The following FASTKD2 variants were observed in gnomAD, a reference collection of about 807,000 sequenced individuals.
FASTKD2 encodes the protein FAST kinase domain-containing protein 2, mitochondrial.
A neutral mutation model predicts 63.6 loss-of-function variants in FASTKD2; 51 were observed. The observed-to-expected ratio is 0.80, with a 90% CI of 0.64 to 1.01. The LOEUF (loss-of-function observed/expected upper bound fraction) is 1.01, where lower values mean the gene tolerates loss of function less well. FASTKD2 is among the 50% of genes least tolerant of loss of function. FASTKD2 has a pLI of 0.00. For missense variants in FASTKD2, 786 were observed against 831.1 expected (o/e 0.95, Z 0.67); for synonymous variants, 284 against 293.4 (o/e 0.97, Z 0.33).
At chr2:206,784,491 G>A (rs1472112632) in intron 7 of FASTKD2, among the ~76,000 whole-genome samples, 1 of 152,232 alleles carries the variant, frequency 6.6e-6, no homozygotes, top group African/African-American at 2.4e-5. Flanking sequence ...TAAATCCAGA[G>A]TATCTTGCTG....
At position 206,766,177 on chromosome 2, in the gene FASTKD2, T is replaced by C. The variant is rs1364175880; in HGVS notation, c.-51+430T>C. 2.0e-5 allele frequency among the ~76,000 whole-genome samples: 3 copies of C among 148,976 alleles called. No individual in the cohort carries two copies. The East Asian group carries it at 5.9e-4, about 29-fold the overall frequency. On this transcript the variant is annotated intron_variant, in intron 1 of 11. Coordinates refer to ENST00000402774, the MANE Select transcript of FASTKD2 (RefSeq NM_001136193.2). Reference sequence around the variant, plus strand: ...TGGGAGGCTGAGACAGGAGAATTGCTTGAACCTGGGAGGTGGAGGTTGCAG... The same window carrying C: ...TGGGAGGCTGAGACAGGAGAATTGCCTGAACCTGGGAGGTGGAGGTTGCAG...
At position 206,766,669 on chromosome 2, in the gene FASTKD2, C is replaced by G; in HGVS notation, c.-25C>G. The G allele has an allele frequency of 6.2e-7, 1 of 1,607,550 alleles. No homozygotes were observed. Among genetic ancestry groups the G allele is most frequent in the South Asian group, 1.1e-5 (1 of 90,910 alleles). On this transcript the variant is annotated 5_prime_UTR_variant, in exon 2 of 12. Transcript: ENST00000402774. ...GAAAACGACAGCACGTGTTCTTTTT[C>G]ACTAGTAGAAGTGACGTTGGTTTCA...
intron 7 of FASTKD2, among the ~76,000 whole-genome samples, chr2:206,778,484 T>C (rs776474714): frequency 2.0e-5 from 3 of 152,178 alleles, no homozygotes; most frequent in Non-Finnish European, 4.4e-5. Flanking sequence ...TTTCTAATTG[T>C]ATTTCTTTGT....
At chr2:206,785,070 G>C (rs911494195) in intron 7 of FASTKD2, among the ~76,000 whole-genome samples, 1 of 152,116 alleles carries the variant, frequency 6.6e-6, no homozygotes, top group Admixed American at 6.5e-5. Context: ...AAGATGAAAG[G>C]CACATCTCAC....
intron 2 of FASTKD2, among the ~76,000 whole-genome samples, chr2:206,769,420 A>T (rs530033554): frequency 8.5e-5 from 13 of 152,338 alleles, no homozygotes; most frequent in Admixed American, 2.6e-4. Flanking sequence ...ACTAGTGATT[A>T]AACTGTAGAG....
chr2:206,770,468 G>A (rs1385445109), intron 3 of FASTKD2, among the ~76,000 whole-genome samples: 4 of 152,116 alleles, frequency 2.6e-5, no homozygotes, highest in Non-Finnish European at 4.4e-5. Context: ...TACTGGCCAG[G>A]CGCAGTGACT....
rs58656956 is a variant in FASTKD2, at chr2:206,793,220, C to CA, written c.*1449dup. Among the ~76,000 whole-genome samples the CA allele has an allele frequency of 8.5e-3, 561 of 65,796 alleles. 49 individuals carry two copies. Among genetic ancestry groups the CA allele is most frequent in the Middle Eastern group, 0.017 (2 of 116 alleles). The allele number at this position is 65,796 out of a possible 152,430, so 43.2% of individuals were successfully genotyped here. A position where few individuals can be genotyped will look rare whatever the true frequency, so the allele number is the denominator to read the frequency against. Reference sequence around the variant, plus strand: ...CTGACCACAGAGCGAGACTCTGTCTCAAAAAAAAAAAAAAAAAAAAAAAAA... The same window carrying CA: ...CTGACCACAGAGCGAGACTCTGTCTCAAAAAAAAAAAAAAAAAAAAAAAAAA... On this transcript the variant is annotated 3_prime_UTR_variant, in exon 12 of 12. Transcript: ENST00000402774.
At position 206,793,320 on chromosome 2, in the gene FASTKD2, A is replaced by AG. The variant is rs886055517; in HGVS notation, c.*1520dup. ...AATTTATCCAGCTTGCATTTAGAAA[A>AG]GGTTAGAGCTGAAAGGAAATTTAGT... is the stretch of plus-strand genomic sequence containing the variant. On this transcript the variant is annotated 3_prime_UTR_variant, in exon 12 of 12. Transcript: ENST00000402774. Among the ~76,000 whole-genome samples, 1 of 151,954 alleles carries AG rather than the reference A, an allele frequency of 6.6e-6. No homozygotes were observed. Among genetic ancestry groups the AG allele is most frequent in the South Asian group, 2.1e-4 (1 of 4,824 alleles).
intron 7 of FASTKD2, among the ~76,000 whole-genome samples, chr2:206,776,417 G>A (rs1689826287): frequency 1.3e-5 from 2 of 151,600 alleles, no homozygotes; most frequent in Non-Finnish European, 2.9e-5. Flanking sequence ...CTGCACTTTT[G>A]GTATCATATA....
In FASTKD2 at chr2:206,767,346, A is replaced by G. The variant is rs1177200146; in HGVS notation, c.653A>G (p.Glu218Gly). Residue 218 changes from glutamate to glycine, a missense_variant, in exon 2 of 12, where the codon GAA (glutamate) becomes GGA (glycine). Transcript: ENST00000402774. ...CACCCTGCATTTAATCAGCTCTGTG[A>G]ACATATGATGAGAGAAGCCAAGATC... ...FSHPAFNQLC[E>G]HMMREAKIMQ... The G allele has an allele frequency of 6.2e-7, 1 of 1,614,172 alleles. No homozygotes were observed. Among genetic ancestry groups the G allele is most frequent in the Non-Finnish European group, 8.5e-7 (1 of 1,180,038 alleles).
intron 7 of FASTKD2, among the ~76,000 whole-genome samples, chr2:206,776,551 A>G (rs1041512559): frequency 6.6e-6 from 1 of 152,008 alleles, no homozygotes; most frequent in African/African-American, 2.4e-5. Context: ...ATTTTTGTGT[A>G]TGTTATAAAA....
chr2:206,766,893 G>T lies in FASTKD2; in HGVS notation c.200G>T (p.Arg67Ile), dbSNP rs754050859. 6.3e-7 allele frequency: 1 copy of T among 1,598,502 alleles called. No individual in the cohort carries two copies. ...NWNILNNFHN[R>I]MQSTDIIRYL... is the part of the protein sequence containing the mutation. ...AACATTTTAAATAACTTTCATAACAGAATGCAATCAACTGATATCATTAGA... is the reference window on the plus strand; with the variant it reads ...AACATTTTAAATAACTTTCATAACATAATGCAATCAACTGATATCATTAGA... Residue 67 changes from arginine (R) to isoleucine (I), a missense_variant, in exon 2 of 12, where the codon AGA becomes ATA. Coordinates refer to ENST00000402774, the MANE Select transcript of FASTKD2 (RefSeq NM_001136193.2).
intron 7 of FASTKD2, among the ~76,000 whole-genome samples, chr2:206,783,778 CT>C (rs757261786): frequency 6.6e-6 from 1 of 152,136 alleles, no homozygotes; most frequent in Admixed American, 6.5e-5. Context: ...TGAATGTTGT[CT>C]TTTTGTCTGT....
At position 206,774,248 on chromosome 2, in the gene FASTKD2, T is replaced by C; in HGVS notation, c.1278T>C (p.Phe426=). 1 of 1,611,348 alleles carries C rather than the reference T, an allele frequency of 6.2e-7. No homozygotes were observed. The highest frequency in any genetic ancestry group is 1.1e-5 in the South Asian group (1 of 90,922). The part of the protein sequence containing the change: ...FRKVLFILIL[F]ENLGFRPVGL... The stretch of plus-strand genomic sequence containing the variant: ...AGGTTCTTTTTATCCTCATTTTATT[T>C]GAAAACCTTGGCTTTCGACCTGTTG... Residue 426 remains phenylalanine (F), a synonymous_variant, in exon 7 of 12, where the codon TTT becomes TTC. Coordinates refer to ENST00000402774, the MANE Select transcript of FASTKD2 (RefSeq NM_001136193.2).
rs1442705803 is a variant in FASTKD2 at position 206,786,847 on chromosome 2, T to C, written c.1542T>C (p.Ala514=). Residue 514 remains alanine, a synonymous_variant, in exon 8 of 12, where the codon GCT becomes GCC. Coordinates refer to ENST00000402774, the MANE Select transcript of FASTKD2 (RefSeq NM_001136193.2). ...GCTTGATGAATTACTTTCCCCTGGC[T>C]CCTTTTAATCAGCTTCTGCAAAAAG... is the stretch of plus-strand genomic sequence containing the variant. ...SFCLMNYFPL[A]PFNQLLQKDI... 6.2e-7 allele frequency: 1 copy of C among 1,613,056 alleles called. No homozygotes were observed. The highest frequency in any genetic ancestry group is 1.1e-5 in the South Asian group (1 of 91,050).
Position 206,777,131 on chromosome 2 carries a change from C to G in FASTKD2, c.1427+2734C>G, listed in dbSNP as rs116702184. The stretch of plus-strand genomic sequence containing the variant: ...TATAGGAACACAGCAGATATTTTTA[C>G]TGCTTCCTTTCTGATTTGGTTGTTT... On this transcript the variant is annotated intron_variant, in intron 7 of 11. Coordinates refer to ENST00000402774, the MANE Select transcript of FASTKD2 (RefSeq NM_001136193.2). Among the ~76,000 whole-genome samples the G allele has an allele frequency of 6.0e-3, 919 of 152,178 alleles. 6 individuals carry two copies. The highest frequency in any genetic ancestry group is 0.015 in the South Asian group (72 of 4,828).
rs189230549 is a variant in FASTKD2 at position 206,781,850 on chromosome 2, C to G, written c.1428-4883C>G. Reference sequence around the variant, plus strand: ...CCCTTTTTTTCCTACTTAACTGCTCCTGAGCATTCAAACTATGCTGGTTTC... The same window carrying G: ...CCCTTTTTTTCCTACTTAACTGCTCGTGAGCATTCAAACTATGCTGGTTTC... On this transcript the variant is annotated intron_variant, in intron 7 of 11. Transcript: ENST00000402774. Among the ~76,000 whole-genome samples, 54 of 151,976 alleles carry G rather than the reference C, an allele frequency of 3.6e-4. 1 individual carries two copies. In the East Asian group the frequency reaches 8.9e-3, roughly 25 times the overall value.
At chr2:206,777,535 G>C (rs1469615117) in intron 7 of FASTKD2, among the ~76,000 whole-genome samples, 1 of 151,998 alleles carries the variant, frequency 6.6e-6, no homozygotes, top group Admixed American at 6.5e-5. Context: ...TTTTATTCAT[G>C]GTGTATGATC....
chr2:206,772,766 T>C (rs762449919), intron 6 of FASTKD2, among the ~76,000 whole-genome samples: 8 of 152,202 alleles, frequency 5.3e-5, no homozygotes, highest in Non-Finnish European at 7.3e-5. Context: ...TATTATAATA[T>C]AGGCTTTTTG....
Sources: gnomAD v4.1 joint callset for allele counts (sites outside exome capture counted in the v4.1 genomes callset) on GRCh38, gnomAD v4.1.1 for gene constraint, MANE v1.5 for transcripts, NCBI Gene and HGNC (gene_info 2026-07-23, HGNC 2026-07-21) for gene names.